EBF3: variants seen among roughly 807,000 people sequenced by gnomAD.
EBF3 encodes the protein transcription factor COE3.
Under a neutral mutation model 77.1 loss-of-function variants are expected in EBF3, and 18 were observed. That is an observed-to-expected ratio of 0.23 (90% confidence interval 0.16 to 0.35). The LOEUF (loss-of-function observed/expected upper bound fraction) is 0.35. Ranked by LOEUF, EBF3 falls within the 10% of genes least tolerant of loss-of-function variation. The probability of loss-of-function intolerance (pLI) is 1.00; values close to 1 mark genes in which losing one functional copy is unlikely to be tolerated. For missense variants in EBF3, 558 were observed against 860.0 expected, an observed-to-expected ratio of 0.65 and a Z score of 4.39; for synonymous variants, 350 against 343.5, an observed-to-expected ratio of 1.02 and a Z score of -0.21.
chr10:129,851,574 G>A (rs977032488), intron 10 of EBF3, among the ~76,000 whole-genome samples: 17 of 152,284 alleles, frequency 1.1e-4, no homozygotes, highest in Admixed American at 9.8e-4. Flanking sequence ...CGTATTGTAA[G>A]CTCCCAACTT....
intron 6 of EBF3, among the ~76,000 whole-genome samples, chr10:129,903,958 C>G (rs530337325): frequency 6.6e-6 from 1 of 152,174 alleles, no homozygotes; most frequent in African/African-American, 2.4e-5. Flanking sequence ...ACCCTATACA[C>G]GATTCCAAAG....
intron 6 of EBF3, among the ~76,000 whole-genome samples, chr10:129,883,736 C>A (rs1853369062): frequency 1.3e-5 from 2 of 148,400 alleles, no homozygotes; most frequent in African/African-American, 5.0e-5. Flanking sequence ...AGTCACCGTT[C>A]ACTGGTGGTT....
At chr10:129,911,649 T>G (rs143572682) in intron 6 of EBF3, among the ~76,000 whole-genome samples, 7 of 152,250 alleles carry the variant, frequency 4.6e-5, no homozygotes, top group African/African-American at 1.4e-4. Context: ...GGGCTGCTGC[T>G]GGGCTCACGG....
intron 6 of EBF3, among the ~76,000 whole-genome samples, chr10:129,889,552 C>A (rs1889300): frequency 0.029 from 4,397 of 152,312 alleles, 229 homozygotes; most frequent in African/African-American, 0.1. Context: ...CTGCACCCCC[C>A]ACCCGCTAAA....
intron 6 of EBF3, among the ~76,000 whole-genome samples, chr10:129,923,716 T>A (rs1856462850): frequency 6.6e-6 from 1 of 152,208 alleles, no homozygotes; most frequent in African/African-American, 2.4e-5. Flanking sequence ...AGGGCAAAGA[T>A]GTCGCAACAT....
At chr10:129,866,054 C>T (rs571652671) in intron 10 of EBF3, among the ~76,000 whole-genome samples, 1 of 152,238 alleles carries the variant, frequency 6.6e-6, no homozygotes, top group African/African-American at 2.4e-5. Flanking sequence ...TTAAAAACAT[C>T]TCTCAAATGT....
chr10:129,837,969 CAG>C lies in EBF3; in HGVS notation c.1873-11_1873-10del. On this transcript the variant is annotated splice_polypyrimidine_tract_variant and intron_variant, in intron 16 of 16. Coordinates refer to ENST00000440978, the MANE Select transcript of EBF3 (RefSeq NM_001375380.1). The stretch of plus-strand genomic sequence containing the variant: ...TACCAGCCCAGACATAGCTGCAAGA[CAG>C]AAGGACAGAGCAGTTACTGCAGGCT... 3.1e-6 allele frequency: 5 copies of C among 1,614,076 alleles called. No individual in the cohort carries two copies. The highest frequency in any genetic ancestry group is 4.2e-6 in the Non-Finnish European group (5 of 1,179,986).
At chr10:129,869,253 G>A (rs1056650343) in intron 8 of EBF3, among the ~76,000 whole-genome samples, 2 of 152,130 alleles carry the variant, frequency 1.3e-5, no homozygotes, top group Non-Finnish European at 2.9e-5. Flanking sequence ...CTAGAATAAG[G>A]GACTCAACCC....
intron 6 of EBF3, among the ~76,000 whole-genome samples, chr10:129,922,229 C>T (rs375664568): frequency 6.6e-5 from 10 of 152,312 alleles, no homozygotes; most frequent in East Asian, 5.8e-4. Flanking sequence ...CTCAATTATC[C>T]GAAGTGGGCT....
chr10:129,852,962 G>A (rs1850999246), intron 10 of EBF3, among the ~76,000 whole-genome samples: 1 of 152,212 alleles, frequency 6.6e-6, no homozygotes. Context: ...CCAGGGCGTT[G>A]AGGTCCCCCC....
At chr10:129,876,097 G>C (rs536186341) in intron 7 of EBF3, among the ~76,000 whole-genome samples, 5 of 152,362 alleles carry the variant, frequency 3.3e-5, no homozygotes, top group African/African-American at 9.6e-5. Context: ...GAAGGGTAAA[G>C]AGTGTAGTTC....
chr10:129,840,405 G>A lies in EBF3; in HGVS notation c.1599C>T (p.Val533=). ...PSSPTMAASS[V]TLPSNCSSTH... ...TGCTGCTACAGTTTGAAGGGAGGGT[G>A]ACCGAAGAGGCTGCCATGGTGGGGC... Residue 533 remains valine, a synonymous_variant, in exon 15 of 17, where the codon GTC becomes GTT. Coordinates refer to ENST00000440978, the MANE Select transcript of EBF3 (RefSeq NM_001375380.1). 6.4e-7 allele frequency: 1 copy of A among 1,552,348 alleles called. No individual in the cohort carries two copies. Among genetic ancestry groups the A allele is most frequent in the Non-Finnish European group, 8.7e-7 (1 of 1,147,318 alleles).
intron 6 of EBF3, among the ~76,000 whole-genome samples, chr10:129,941,277 T>G (rs1393293845): frequency 6.6e-6 from 1 of 152,002 alleles, no homozygotes; most frequent in Non-Finnish European, 1.5e-5. Context: ...CAGCAAGGGG[T>G]GTCAGATGAG....
intron 12 of EBF3, 24 bp downstream of exon 12, chr10:129,843,113 C>T (rs760052658): frequency 5.0e-6 from 8 of 1,607,828 alleles, no homozygotes; most frequent in Middle Eastern, 1.7e-4. Flanking sequence ...GGAGGATGGG[C>T]GAGGGGAGCC....
At chr10:129,929,981 C>T (rs1856898814) in intron 6 of EBF3, among the ~76,000 whole-genome samples, 1 of 152,104 alleles carries the variant, frequency 6.6e-6, no homozygotes, top group African/African-American at 2.4e-5. Flanking sequence ...TGGGTGGGTG[C>T]CATCATTGGT....
intron 6 of EBF3, among the ~76,000 whole-genome samples, chr10:129,909,110 T>C (rs1352359923): frequency 6.6e-6 from 1 of 152,210 alleles, no homozygotes; most frequent in African/African-American, 2.4e-5. Flanking sequence ...GGACTGGGAT[T>C]ACTCTTCCCA....
At chr10:129,875,124 G>A (rs1852664225) in intron 7 of EBF3, among the ~76,000 whole-genome samples, 2 of 151,332 alleles carry the variant, frequency 1.3e-5, no homozygotes, top group African/African-American at 2.4e-5. Flanking sequence ...TATTTTCAGG[G>A]GTTTAACAAA....
In EBF3 at chr10:129,877,762, G is replaced by A. The variant is rs373192833; in HGVS notation, c.636+6C>T. The A allele has an allele frequency of 1.2e-6, 2 of 1,611,818 alleles. No individual in the cohort carries two copies. Among genetic ancestry groups the A allele is most frequent in the African/African-American group, 2.7e-5 (2 of 74,694 alleles). ...CACGGTCCACGTGTCTTTGAGAAAT[G>A]TATACCTGGAATCTCCGCATATCTC... On this transcript the variant is annotated splice_donor_region_variant and intron_variant, in intron 7 of 16. Coordinates refer to ENST00000440978, the MANE Select transcript of EBF3 (RefSeq NM_001375380.1).
At chr10:129,914,483 T>C (rs894619632) in intron 6 of EBF3, among the ~76,000 whole-genome samples, 1 of 152,058 alleles carries the variant, frequency 6.6e-6, no homozygotes, top group Admixed American at 6.5e-5. Context: ...GGGAAGCCAC[T>C]CCAGCAGTGA....
Sources: allele counts gnomAD v4.1 joint callset (sites outside exome capture counted in the v4.1 genomes callset), GRCh38; gene constraint gnomAD v4.1.1; transcripts MANE v1.5; gene names NCBI Gene and HGNC (gene_info 2026-07-23, HGNC 2026-07-21).